The following PHLPP1 variants were observed in gnomAD, a reference collection of about 807,000 sequenced individuals.
PHLPP1 encodes PH domain and leucine rich repeat protein phosphatase 1.
PHLPP1 carries 42 observed loss-of-function variants against 117.2 expected under a neutral mutation model. That is an observed-to-expected ratio of 0.36 (90% CI 0.28 to 0.46). PHLPP1 has a LOEUF of 0.46. PHLPP1 is among the 20% of genes least tolerant of loss of function. The probability of loss-of-function intolerance (pLI) is 1.00; values close to 1 mark genes in which losing one functional copy is unlikely to be tolerated. For synonymous variants in PHLPP1, 1,042 were observed against 970.7 expected, an observed-to-expected ratio of 1.07 and a Z score of -1.37; for missense variants, 2,084 against 2,241.9, an observed-to-expected ratio of 0.93 and a Z score of 1.42.
At chr18:62,780,572 T>C (rs1913090814) in intron 1 of PHLPP1, among the ~76,000 whole-genome samples, 1 of 152,226 alleles carries the variant, frequency 6.6e-6, no homozygotes, top group South Asian at 2.1e-4. Context: ...TTCCGTGTTC[T>C]GTAGTTCAGT....
At chr18:62,914,318 C>T (rs1183028102) in intron 8 of PHLPP1, among the ~76,000 whole-genome samples, 1 of 152,190 alleles carries the variant, frequency 6.6e-6, no homozygotes, top group Admixed American at 6.5e-5. Flanking sequence ...AACACATATT[C>T]TCCCTGAACT....
intron 1 of PHLPP1, among the ~76,000 whole-genome samples, chr18:62,758,396 C>G (rs572975919): frequency 2.2e-3 from 339 of 152,256 alleles, no homozygotes; most frequent in African/African-American, 7.8e-3. Flanking sequence ...TTTTTGTCAT[C>G]TAGTAAATGG....
intron 10 of PHLPP1, among the ~76,000 whole-genome samples, chr18:62,930,226 A>T (rs946516596): frequency 2.0e-5 from 3 of 152,206 alleles, no homozygotes; most frequent in African/African-American, 7.2e-5. Flanking sequence ...TATATATCCT[A>T]TAGAGAGGGA....
In PHLPP1 at chr18:62,900,433, C is replaced by CTTTTTTTTTTTTTTTT. The variant is rs774225759; in HGVS notation, c.2445-2518_2445-2503dup. Among the ~76,000 whole-genome samples, 8 of 54,258 alleles carry CTTTTTTTTTTTTTTTT rather than the reference C, an allele frequency of 1.5e-4. 3 individuals carry two copies. The highest frequency in any genetic ancestry group is 4.6e-4 in the Admixed American group (2 of 4,376). 35.6% of individuals were successfully genotyped at this position (54,258 alleles called of 152,430 possible). A position where few individuals can be genotyped will look rare whatever the true frequency, so the allele number is the denominator to read the frequency against. On this transcript the variant is annotated intron_variant, in intron 6 of 16. Transcript: ENST00000262719. ...GTATTCTTGTTTTTTCTTTTTCTTT[C>CTTTTTTTTTTTTTTTT]TTTTTTTTTTTTTTTTTTTTTTTTT... is the stretch of plus-strand genomic sequence containing the variant.
At chr18:62,755,802 T>A (rs183669994) in intron 1 of PHLPP1, among the ~76,000 whole-genome samples, 57 of 152,336 alleles carry the variant, frequency 3.7e-4, no homozygotes, top group Non-Finnish European at 7.8e-4. Context: ...TAAGATAGTT[T>A]GTATCTATTT....
intron 4 of PHLPP1, among the ~76,000 whole-genome samples, chr18:62,866,151 T>C (rs1447927856): frequency 6.6e-6 from 1 of 152,180 alleles, no homozygotes; most frequent in Non-Finnish European, 1.5e-5. Context: ...GGATGGGGAT[T>C]AGTGAATGGT....
chr18:62,766,076 A>AAATATATATATATATATATATATATAT, intron 1 of PHLPP1, among the ~76,000 whole-genome samples: 6 of 21,654 alleles, frequency 2.8e-4, no homozygotes, highest in East Asian at 3.3e-3. Context: ...AAAAAAAAAA[A>AAATATATATATATATATATATATATAT]ATATATATAT....
rs1409034480 is a variant in PHLPP1 at position 62,748,132 on chromosome 18, A to G, written c.1576+30873A>G. ...TTACTACTCAACTATTCACAGTACT[A>G]TATACATGAAGTCCTTCTTCCATAA... On this transcript the variant is annotated intron_variant, in intron 1 of 16. Coordinates refer to ENST00000262719, the MANE Select transcript of PHLPP1 (RefSeq NM_194449.4). 2.0e-5 allele frequency among the ~76,000 whole-genome samples: 3 copies of G among 152,176 alleles called. No individual in the cohort carries two copies. In the East Asian group the frequency reaches 5.8e-4, roughly 29 times the overall value.
At chr18:62,866,045 A>C (rs1915762104) in intron 4 of PHLPP1, among the ~76,000 whole-genome samples, 1 of 152,242 alleles carries the variant, frequency 6.6e-6, no homozygotes. Context: ...AAAGTTAAAA[A>C]AAATTCATCC....
At chr18:62,839,463 T>G (rs1048808590) in intron 3 of PHLPP1, 1 of 152,390 alleles carries the variant, frequency 6.6e-6, no homozygotes, top group Non-Finnish European at 1.5e-5. Flanking sequence ...ACTCCTGTAA[T>G]CCCAGCACTT....
chr18:62,960,795 T>C (rs1910746341), intron 13 of PHLPP1, among the ~76,000 whole-genome samples: 1 of 152,204 alleles, frequency 6.6e-6, no homozygotes, highest in Non-Finnish European at 1.5e-5. Context: ...CAGACCAAAG[T>C]TTCCTATAGC....
intron 4 of PHLPP1, among the ~76,000 whole-genome samples, chr18:62,883,077 G>T (rs1380058118): frequency 6.6e-6 from 1 of 151,876 alleles, no homozygotes. Context: ...GGTGGAATTA[G>T]GATCCAAATG....
rs146618622 is a variant in PHLPP1, at chr18:62,789,957, A to G, written c.1577-40078A>G. ...ATCGCAGTTGAAGTCCTGTGTGTCT[A>G]AGTATACTTATTTTCCAGCTAATTT... is the stretch of plus-strand genomic sequence containing the variant. On this transcript the variant is annotated intron_variant, in intron 1 of 16. Coordinates refer to ENST00000262719, the MANE Select transcript of PHLPP1 (RefSeq NM_194449.4). 1.1e-3 allele frequency among the ~76,000 whole-genome samples: 172 copies of G among 152,306 alleles called. 3 individuals are homozygous for G. In the East Asian group the frequency reaches 0.031, roughly 27 times the overall value.
At chr18:62,884,644 C>T (rs528567253) in intron 4 of PHLPP1, among the ~76,000 whole-genome samples, 1 of 152,208 alleles carries the variant, frequency 6.6e-6, no homozygotes, top group Admixed American at 6.5e-5. Flanking sequence ...CCAAAGTGGG[C>T]TAGCATGTGC....
chr18:62,843,751 A>G (rs1224688972), intron 3 of PHLPP1, among the ~76,000 whole-genome samples: 2 of 152,198 alleles, frequency 1.3e-5, no homozygotes, highest in Non-Finnish European at 2.9e-5. Flanking sequence ...CAACATAGGT[A>G]CATGCATCCA....
chr18:62,756,511 T>A (rs1912024473), intron 1 of PHLPP1, among the ~76,000 whole-genome samples: 1 of 152,224 alleles, frequency 6.6e-6, no homozygotes, highest in Non-Finnish European at 1.5e-5. Flanking sequence ...TGTGGTATGA[T>A]GAGGAACTCA....
chr18:62,888,458 T>G (rs1214307592), intron 4 of PHLPP1, among the ~76,000 whole-genome samples: 1 of 152,084 alleles, frequency 6.6e-6, no homozygotes, highest in African/African-American at 2.4e-5. Flanking sequence ...CCCAGTACTT[T>G]GGGAGGCTGA....
At chr18:62,805,854 AC>A in intron 1 of PHLPP1, among the ~76,000 whole-genome samples, 1 of 144,452 alleles carries the variant, frequency 6.9e-6, no homozygotes, top group South Asian at 2.2e-4. Flanking sequence ...ATTCTTTTTC[AC>A]CCCCATGCAT....
At chr18:62,720,584 C>G (rs969300733) in intron 1 of PHLPP1, among the ~76,000 whole-genome samples, 9 of 152,084 alleles carry the variant, frequency 5.9e-5, no homozygotes, top group African/African-American at 1.2e-4. Context: ...CAGCATTAAG[C>G]TATAATATTG....
Sources: allele counts gnomAD v4.1 joint callset (sites outside exome capture counted in the v4.1 genomes callset), GRCh38; gene constraint gnomAD v4.1.1; transcripts MANE v1.5; gene names NCBI Gene and HGNC (gene_info 2026-07-23, HGNC 2026-07-21).